CDH4: variants seen among roughly 807,000 people sequenced by gnomAD.
CDH4 encodes cadherin 4, also known as cadherin-4.
A neutral mutation model predicts 86.0 loss-of-function variants in CDH4; 33 were observed. That is an observed-to-expected ratio of 0.38 (90% CI 0.29 to 0.51). CDH4 has a LOEUF of 0.51. Among genes scored for constraint, CDH4 ranks in the 20% least tolerant of loss-of-function variants. The probability of loss-of-function intolerance (pLI) is 0.86; values close to 1 mark genes in which losing one functional copy is unlikely to be tolerated. For synonymous variants in CDH4, 555 were observed against 549.4 expected (o/e 1.01, Z -0.14); for missense variants, 1,114 against 1,307.4 (o/e 0.85, Z 2.28).
At chr20:61,469,975 AT>A (rs1213691436) in intron 2 of CDH4, among the ~76,000 whole-genome samples, 1 of 152,078 alleles carries the variant, frequency 6.6e-6, no homozygotes, top group African/African-American at 2.4e-5. Context: ...TTGTAGTATG[AT>A]TTGAAGTCAA....
At chr20:61,912,010 A>C (rs533337986) in intron 9 of CDH4, among the ~76,000 whole-genome samples, 1 of 152,296 alleles carries the variant, frequency 6.6e-6, no homozygotes, top group African/African-American at 2.4e-5. Flanking sequence ...ATCAACAGAA[A>C]CCCTGGCTGC....
At chr20:61,771,400 G>A (rs1409612230) in intron 3 of CDH4, among the ~76,000 whole-genome samples, 2 of 151,858 alleles carry the variant, frequency 1.3e-5, no homozygotes, top group Non-Finnish European at 2.9e-5. Context: ...AACACGGGCG[G>A]ATTACCGGAG....
chr20:61,583,152 GAGGGACAGAGGGC>G (rs2086442486), intron 2 of CDH4, among the ~76,000 whole-genome samples: 2 of 57,018 alleles, frequency 3.5e-5, no homozygotes, highest in South Asian at 6.7e-4. Context: ...GGGCTCTGCG[GAGGGACAGAGGGC>G]TCTGCGGGGG....
At chr20:61,635,369 A>G (rs1437657495) in intron 2 of CDH4, among the ~76,000 whole-genome samples, 3 of 152,174 alleles carry the variant, frequency 2.0e-5, no homozygotes, top group Non-Finnish European at 4.4e-5. Context: ...TTTTGCAAAT[A>G]TAACCAACCC....
chr20:61,522,241 C>T (rs558392552), intron 2 of CDH4, among the ~76,000 whole-genome samples: 1 of 152,298 alleles, frequency 6.6e-6, no homozygotes, highest in East Asian at 1.9e-4. Flanking sequence ...TAGCTTAGCC[C>T]CGGACCCAGT....
chr20:61,477,070 G>A (rs570273323), intron 2 of CDH4, among the ~76,000 whole-genome samples: 10 of 152,332 alleles, frequency 6.6e-5, no homozygotes, highest in Admixed American at 1.3e-4. Flanking sequence ...AGGGGCCAGG[G>A]AGGACGTGTG....
chr20:61,685,573 G>A (rs553100549), intron 2 of CDH4, among the ~76,000 whole-genome samples: 1 of 152,348 alleles, frequency 6.6e-6, no homozygotes, highest in African/African-American at 2.4e-5. Context: ...GGCGCTTTCT[G>A]TCAGTGTCCT....
chr20:61,389,059 T>C (rs1600929947), intron 2 of CDH4, among the ~76,000 whole-genome samples: 1 of 152,384 alleles, frequency 6.6e-6, no homozygotes, highest in East Asian at 1.9e-4. Flanking sequence ...ATGGCTAAAC[T>C]GATCAAGGTT....
chr20:61,288,930 G>C (rs1015846035), intron 2 of CDH4, among the ~76,000 whole-genome samples: 29 of 151,896 alleles, frequency 1.9e-4, no homozygotes, highest in Non-Finnish European at 1.5e-4. Flanking sequence ...AAGTAAACTG[G>C]GGCTTAAAAG....
At chr20:61,586,292 A>G (rs2086474582) in intron 2 of CDH4, among the ~76,000 whole-genome samples, 1 of 152,106 alleles carries the variant, frequency 6.6e-6, no homozygotes, top group African/African-American at 2.4e-5. Context: ...GGGGATAGGG[A>G]TGGCAGTGAC....
At chr20:61,520,623 G>C (rs917706694) in intron 2 of CDH4, among the ~76,000 whole-genome samples, 1 of 152,200 alleles carries the variant, frequency 6.6e-6, no homozygotes, top group African/African-American at 2.4e-5. Flanking sequence ...CTTGGCATTT[G>C]GCGCATAGTT....
At chr20:61,566,910 G>A (rs928910241) in intron 2 of CDH4, among the ~76,000 whole-genome samples, 4 of 152,140 alleles carry the variant, frequency 2.6e-5, no homozygotes, top group South Asian at 2.1e-4. Flanking sequence ...AATGGACTGC[G>A]TGTCTTCCTC....
chr20:61,897,863 A>G (rs116196102), intron 8 of CDH4, among the ~76,000 whole-genome samples: 2,444 of 152,264 alleles, frequency 0.016, 62 homozygotes, highest in African/African-American at 0.056. Context: ...ATATGTCTAG[A>G]TGCTTCTCAG....
At chr20:61,643,059 G>T (rs1230954432) in intron 2 of CDH4, among the ~76,000 whole-genome samples, 1 of 152,204 alleles carries the variant, frequency 6.6e-6, no homozygotes, top group Non-Finnish European at 1.5e-5. Context: ...CAACTGAATA[G>T]CTGAGACTGG....
intron 9 of CDH4, among the ~76,000 whole-genome samples, chr20:61,912,379 TC>T (rs2054860316): frequency 6.6e-6 from 1 of 152,222 alleles, no homozygotes; most frequent in African/African-American, 2.4e-5. Flanking sequence ...CCCAAAGTCA[TC>T]TTTTTCCTTT....
At chr20:61,888,648 G>C (rs1984652714) in intron 7 of CDH4, among the ~76,000 whole-genome samples, 2 of 152,262 alleles carry the variant, frequency 1.3e-5, no homozygotes, top group African/African-American at 4.8e-5. Flanking sequence ...AGAGCAGCCA[G>C]TCAAGGGTGG....
At chr20:61,716,605 G>A (rs2386946) in intron 2 of CDH4, among the ~76,000 whole-genome samples, 54,725 of 152,106 alleles carry the variant, frequency 0.36, 13,093 homozygotes, top group African/African-American at 0.64. Context: ...AAAGCCCTTC[G>A]CTTCATCTAA....
chr20:61,932,921 AAC>A (rs1872949658), intron 13 of CDH4, 62 bp from the exon 14 acceptor site: 14 of 1,577,186 alleles, frequency 8.9e-6, no homozygotes, highest in Admixed American at 1.7e-5. Flanking sequence ...ACACATGGCA[AAC>A]ACAGAGGCAC....
chr20:61,566,082 G>A (rs1052398732), intron 2 of CDH4, among the ~76,000 whole-genome samples: 25 of 152,150 alleles, frequency 1.6e-4, no homozygotes, highest in Non-Finnish European at 2.6e-4. Flanking sequence ...TGCTTCCCTG[G>A]TGCCTCGGGC....
Sources: gnomAD v4.1 joint callset for allele counts (sites outside exome capture counted in the v4.1 genomes callset) on GRCh38, gnomAD v4.1.1 for gene constraint, MANE v1.5 for transcripts, NCBI Gene and HGNC (gene_info 2026-07-23, HGNC 2026-07-21) for gene names.